The following FEZ2 variants were observed in gnomAD, a reference collection of about 807,000 sequenced individuals.
The protein encoded by FEZ2 is fasciculation and elongation protein zeta 2, also known as fasciculation and elongation protein zeta-2.
A neutral mutation model predicts 40.4 loss-of-function variants in FEZ2; 51 were observed. The ratio of observed to expected loss-of-function variants is 1.26; its 90% confidence interval spans 1.01 to 1.59. FEZ2 has a LOEUF of 1.59. Among genes scored for constraint, FEZ2 ranks in the 40% most tolerant of loss-of-function variants. The pLI is 0.00. For synonymous variants in FEZ2, 242 were observed against 172.0 expected (o/e 1.41, Z -3.18); for missense variants, 640 against 438.3 (o/e 1.46, Z -4.11).
chr2:36,553,430 T>C (rs553648405), intron 7 of FEZ2, among the ~76,000 whole-genome samples: 14 of 152,246 alleles, frequency 9.2e-5, no homozygotes, highest in South Asian at 2.1e-4. Context: ...CACTTGGAGA[T>C]AGAAGCCCCT....
chr2:36,553,720 C>T (rs1248147216), intron 7 of FEZ2, among the ~76,000 whole-genome samples: 1 of 152,162 alleles, frequency 6.6e-6, no homozygotes, highest in East Asian at 1.9e-4. Context: ...GACCACTTTT[C>T]TACCTTCTTT....
chr2:36,571,592 C>G (rs1367103286), intron 5 of FEZ2, among the ~76,000 whole-genome samples: 1 of 151,682 alleles, frequency 6.6e-6, no homozygotes, highest in East Asian at 1.9e-4. Flanking sequence ...GAGGTAGAGG[C>G]TGCAGTGGGC....
At chr2:36,596,910 T>G (rs901990513) in intron 1 of FEZ2, among the ~76,000 whole-genome samples, 4 of 152,162 alleles carry the variant, frequency 2.6e-5, no homozygotes, top group African/African-American at 9.7e-5. Context: ...AACTCTTACT[T>G]AACCAAATTA....
intron 5 of FEZ2, among the ~76,000 whole-genome samples, chr2:36,574,303 T>C (rs1256228606): frequency 1.3e-5 from 2 of 152,234 alleles, no homozygotes; most frequent in African/African-American, 2.4e-5. Context: ...TCACTGTCCA[T>C]GGGTTTGACA....
intron 1 of FEZ2, chr2:36,594,681 A>C (rs1669162281): frequency 6.5e-6 from 1 of 152,866 alleles, no homozygotes; most frequent in African/African-American, 2.4e-5. Context: ...GGACACAGCC[A>C]AACCGTATCA....
At chr2:36,569,999 C>T (rs1668362732) in intron 5 of FEZ2, among the ~76,000 whole-genome samples, 1 of 152,142 alleles carries the variant, frequency 6.6e-6, no homozygotes, top group African/African-American at 2.4e-5. Context: ...ACGACACTTT[C>T]AATAGCTTGA....
chr2:36,558,489 C>A lies in FEZ2; in HGVS notation c.928G>T (p.Glu310Ter). The change falls in exon 6 of 8, where the codon GAG becomes TAG. Residue 310 changes from glutamate to a stop codon, truncating the protein, a stop_gained. Transcript: ENST00000405912. LOFTEE classifies it high-confidence loss of function. The part of the protein sequence containing the change: ...GTYLTTVIPY[E>*]KKNGPPSVED... ...ACAGACGGTGGTCCGTTTTTTTTCTCATAAGGAATGACTGTAGTCAAATAC... is the reference window on the plus strand; with the variant it reads ...ACAGACGGTGGTCCGTTTTTTTTCTAATAAGGAATGACTGTAGTCAAATAC... 2 of 1,515,282 alleles carry A rather than the reference C, an allele frequency of 1.3e-6. No homozygotes were observed. The highest frequency in any genetic ancestry group is 1.8e-6 in the Non-Finnish European group (2 of 1,127,408). 93.9% of individuals were successfully genotyped at this position (1,515,282 alleles called of 1,614,324 possible). A position where few individuals can be genotyped will look rare whatever the true frequency, so the allele number is the denominator to read the frequency against.
intron 4 of FEZ2, chr2:36,579,116 A>G (rs895081327): frequency 7.0e-6 from 3 of 426,288 alleles, no homozygotes; most frequent in African/African-American, 4.0e-5. Context: ...AAGTCTAACA[A>G]AAGTTTTTAC....
At chr2:36,590,719 T>G in intron 2 of FEZ2, 184 bp downstream of exon 2, 1 of 531,580 alleles carries the variant, frequency 1.9e-6, no homozygotes, top group Non-Finnish European at 3.3e-6. Flanking sequence ...GGAGAAGAAC[T>G]GGAGGAATGT....
rs930388385 is a variant in FEZ2, at chr2:36,552,817, A to G, written c.*346T>C. The G allele has an allele frequency of 7.9e-6, 2 of 252,100 alleles. No individual in the cohort carries two copies. Among genetic ancestry groups the G allele is most frequent in the East Asian group, 8.6e-5 (1 of 11,642 alleles). 15.6% of individuals were successfully genotyped at this position (252,100 alleles called of 1,614,324 possible). Reference sequence around the variant, plus strand: ...ATCTCCCAAGGCTTTAATCTAGTTCATCAGTGCAGTTTAGATAAGAAAGCC... The same window carrying G: ...ATCTCCCAAGGCTTTAATCTAGTTCGTCAGTGCAGTTTAGATAAGAAAGCC... On this transcript the variant is annotated 3_prime_UTR_variant, in exon 8 of 8. Transcript: ENST00000405912.
chr2:36,578,943 T>A, intron 4 of FEZ2, 78 bp from the exon 5 acceptor site: 2 of 1,230,328 alleles, frequency 1.6e-6, no homozygotes, highest in Non-Finnish European at 2.3e-6. Flanking sequence ...TCACTAGGAA[T>A]GACTAAATAA....
At chr2:36,572,984 TAC>T (rs1055988014) in intron 5 of FEZ2, among the ~76,000 whole-genome samples, 11 of 152,314 alleles carry the variant, frequency 7.2e-5, no homozygotes, top group Admixed American at 2.6e-4. Context: ...TGATTCTTTT[TAC>T]AGTTTTTTCT....
At position 36,598,100 on chromosome 2, in the gene FEZ2, C is replaced by A; in HGVS notation, c.43G>T (p.Glu15Ter). ...GDWQDFYEFQ[E>*]PARSLLDQEN... ...TGGTCCAGGAGGCTCCGGGCCGGCT[C>A]CTGGAACTCATAGAAATCCTGCCAG... is the stretch of plus-strand genomic sequence containing the variant. Residue 15 changes from glutamate (E) to a stop codon, truncating the protein, a stop_gained, in exon 1 of 8, where the codon GAG (glutamate) becomes TAG (stop). Transcript: ENST00000405912. LOFTEE classifies it high-confidence loss of function. The A allele has an allele frequency of 6.7e-7, 1 of 1,494,258 alleles. No individual in the cohort carries two copies. 92.6% of individuals were successfully genotyped at this position (1,494,258 alleles called of 1,614,324 possible). A position where few individuals can be genotyped will look rare whatever the true frequency, so the allele number is the denominator to read the frequency against.
At chr2:36,567,748 C>T (rs1263681556) in intron 5 of FEZ2, among the ~76,000 whole-genome samples, 1 of 147,698 alleles carries the variant, frequency 6.8e-6, no homozygotes, top group Admixed American at 6.8e-5. Context: ...GGCAATAGAG[C>T]GAGACTCTGT....
At chr2:36,581,184 C>T (rs1485981989) in intron 4 of FEZ2, 106 bp downstream of exon 4, 3 of 1,089,352 alleles carry the variant, frequency 2.8e-6, no homozygotes, top group Non-Finnish European at 2.7e-6. Flanking sequence ...TGGACACAAA[C>T]ACAAACAGAA....
intron 5 of FEZ2, among the ~76,000 whole-genome samples, chr2:36,567,644 C>G (rs1236590891): frequency 6.6e-6 from 1 of 151,960 alleles, no homozygotes; most frequent in Non-Finnish European, 1.5e-5. Context: ...TGCCTGTAAT[C>G]CCAGCTACTC....
chr2:36,558,482 T>C lies in FEZ2; in HGVS notation c.935A>G (p.Lys312Arg). The stretch of plus-strand genomic sequence containing the variant: ...ATCTTCAACAGACGGTGGTCCGTTT[T>C]TTTTCTCATAAGGAATGACTGTAGT... ...YLTTVIPYEKKNGPPSVEDLQ... is the reference protein window; with the variant it reads ...YLTTVIPYEKRNGPPSVEDLQ... The change falls in exon 6 of 8, where the codon AAA becomes AGA. Residue 312 changes from lysine (K) to arginine (R), a missense_variant. Coordinates refer to ENST00000405912, the MANE Select transcript of FEZ2 (RefSeq NM_005102.3). 6.5e-7 allele frequency: 1 copy of C among 1,528,800 alleles called. No homozygotes were observed. Among genetic ancestry groups the C allele is most frequent in the Non-Finnish European group, 8.8e-7 (1 of 1,134,486 alleles). 94.7% of individuals were successfully genotyped at this position (1,528,800 alleles called of 1,614,324 possible).
In FEZ2 at chr2:36,583,335, T is replaced by A. The variant is rs750997702; in HGVS notation, c.492+18A>T. 1.5e-6 allele frequency: 2 copies of A among 1,295,562 alleles called. No individual in the cohort carries two copies. The highest frequency in any genetic ancestry group is 2.5e-5 in the South Asian group (2 of 79,404). The allele number at this position is 1,295,562 out of a possible 1,614,324, so 80.3% of individuals were successfully genotyped here. ...CTAGAGTCTCCTTTCCTTGCGTTGCTGAGGATCTCCTCTATACCTGGTCTG... is the reference window on the plus strand; with the variant it reads ...CTAGAGTCTCCTTTCCTTGCGTTGCAGAGGATCTCCTCTATACCTGGTCTG... On this transcript the variant is annotated intron_variant, in intron 3 of 7. Transcript: ENST00000405912.
chr2:36,553,595 CT>C (rs930052768), intron 7 of FEZ2, among the ~76,000 whole-genome samples: 12 of 152,310 alleles, frequency 7.9e-5, no homozygotes, highest in African/African-American at 2.9e-4. Context: ...TTGGGTACTA[CT>C]GTCAAGGCAG....
Sources: allele counts gnomAD v4.1 joint callset (sites outside exome capture counted in the v4.1 genomes callset), GRCh38; gene constraint gnomAD v4.1.1; transcripts MANE v1.5; gene names NCBI Gene and HGNC (gene_info 2026-07-23, HGNC 2026-07-21).